The following ZNF568 variants were observed in gnomAD, a reference collection of about 807,000 sequenced individuals.
The protein encoded by ZNF568 is p53 inhibitor of SCO2 activation.
Under a neutral mutation model 18.1 loss-of-function variants are expected in ZNF568, and 11 were observed. That is an observed-to-expected ratio of 0.61 (90% confidence interval 0.38 to 1.00). The LOEUF is 1.00. ZNF568 is among the 50% of genes least tolerant of loss of function. ZNF568 has a pLI of 0.01. For synonymous variants in ZNF568, 213 were observed against 246.6 expected (o/e 0.86, Z 1.28); for missense variants, 639 against 768.2 (o/e 0.83, Z 1.99).
At chr19:36,945,737 A>ATGTG (rs35542484) in intron 6 of ZNF568, among the ~76,000 whole-genome samples, 265 of 149,066 alleles carry the variant, frequency 1.8e-3, no homozygotes, top group East Asian at 8.3e-3. Context: ...GTGTGATTAT[A>ATGTG]TGTGTGTGTG....
At chr19:36,993,628 G>A (rs1241203803) in intron 4 of ZNF568, among the ~76,000 whole-genome samples, 1 of 152,034 alleles carries the variant, frequency 6.6e-6, no homozygotes, top group East Asian at 1.9e-4. Context: ...AATTTTGGTA[G>A]TTTTGGGTCT....
intron 2 of ZNF568, among the ~76,000 whole-genome samples, chr19:36,919,326 G>A (rs1441161531): frequency 6.6e-6 from 1 of 152,138 alleles, no homozygotes; most frequent in Non-Finnish European, 1.5e-5. Context: ...TTATAGTCAT[G>A]TGCCATATAT....
At chr19:36,941,773 C>A (rs908457374) in intron 6 of ZNF568, among the ~76,000 whole-genome samples, 1 of 151,984 alleles carries the variant, frequency 6.6e-6, no homozygotes, top group Non-Finnish European at 1.5e-5. Context: ...CATGCCATTT[C>A]TTTCCCTTTT....
At chr19:36,924,027 G>T (rs542947365) in intron 3 of ZNF568, among the ~76,000 whole-genome samples, 6 of 152,066 alleles carry the variant, frequency 3.9e-5, no homozygotes, top group African/African-American at 1.4e-4. Context: ...TGATTGGTTT[G>T]GGAGAGAGTG....
chr19:36,992,069 C>T lies in ZNF568; in HGVS notation c.229+223C>T, dbSNP rs998533394. Among the ~76,000 whole-genome samples, 46 of 151,860 alleles carry T rather than the reference C, an allele frequency of 3.0e-4. 1 individual carries two copies. The highest frequency in any genetic ancestry group is 5.4e-4 in the Non-Finnish European group (37 of 67,968). ...CAGCCTGACCAACATGGTGAAACCC[C>T]GTCTCTACTAAAAATACAAAAAAAT... On this transcript the variant is annotated intron_variant, in intron 4 of 4. Coordinates refer to the ZNF568 transcript ENST00000433993.
At chr19:36,942,726 CCA>C (rs1183420700) in intron 6 of ZNF568, among the ~76,000 whole-genome samples, 1 of 151,946 alleles carries the variant, frequency 6.6e-6, no homozygotes, top group Non-Finnish European at 1.5e-5. Flanking sequence ...TACCCCCACT[CCA>C]GTTTTGTTTT....
At position 36,949,575 on chromosome 19, in the gene ZNF568, C is replaced by G. The variant is rs371756750; in HGVS notation, c.422C>G (p.Ser141Cys). The change falls in exon 7 of 7, where the codon TCC (serine) becomes TGC (cysteine). Residue 141 changes from serine (S) to cysteine (C), a missense_variant. Transcript: ENST00000333987. ...GAAACACTTGTGAGGAAAGTCACAT[C>G]CATCTCCAAGAAAATTCTGATAAAG... ...QQETLVRKVT[S>C]ISKKILIKEK... The G allele has an allele frequency of 5.6e-6, 9 of 1,612,166 alleles. No homozygotes were observed. In the South Asian group the frequency reaches 6.6e-5, roughly 12 times the overall value.
In ZNF568 at chr19:36,936,810, C is replaced by T. The variant is rs1405839952; in HGVS notation, c.200C>T (p.Pro67Leu). The change falls in exon 5 of 7, where the codon CCT (proline) becomes CTT (leucine). Residue 67 changes from proline to leucine, a missense_variant. Coordinates refer to ENST00000333987, the MANE Select transcript of ZNF568 (RefSeq NM_198539.4). ...CAGGAGGAGTGGGAGCAAATGAAAC[C>T]TGCTCAAAGAAACTTGTATCGAGAT... Reference protein sequence around the residue: ...LTQEEWEQMKPAQRNLYRDVM... With the variant: ...LTQEEWEQMKLAQRNLYRDVM... 1.2e-6 allele frequency: 2 copies of T among 1,613,818 alleles called. No individual in the cohort carries two copies. The highest frequency in any genetic ancestry group is 2.7e-5 in the African/African-American group (2 of 75,034).
chr19:36,920,865 T>G (rs2073441580), intron 2 of ZNF568, among the ~76,000 whole-genome samples: 1 of 152,166 alleles, frequency 6.6e-6, no homozygotes, highest in Non-Finnish European at 1.5e-5. Context: ...TACCATTTTT[T>G]ATCTTTTATA....
intron 6 of ZNF568, among the ~76,000 whole-genome samples, chr19:36,961,863 T>C (rs929162535): frequency 2.1e-5 from 3 of 143,062 alleles, no homozygotes; most frequent in African/African-American, 5.2e-5. Flanking sequence ...TCTATCATAT[T>C]GTTAATTGGT....
At chr19:36,926,992 A>G (rs1285237484) in intron 4 of ZNF568, among the ~76,000 whole-genome samples, 2 of 152,178 alleles carry the variant, frequency 1.3e-5, no homozygotes, top group Non-Finnish European at 2.9e-5. Context: ...ACCCATTCAT[A>G]TTGTTTGTCT....
chr19:36,979,781 A>T (rs2146339867), exon 8 of ZNF568: 1 of 152,332 alleles, frequency 6.6e-6, no homozygotes, highest in East Asian at 1.9e-4. Context: ...CATAGGTTAT[A>T]TGCATTTTCA....
chr19:36,963,666 T>C (rs544889371), intron 6 of ZNF568, among the ~76,000 whole-genome samples: 62 of 152,116 alleles, frequency 4.1e-4, no homozygotes, highest in African/African-American at 1.4e-3. Context: ...TATCTTTTCA[T>C]GCATTAGAAA....
intron 4 of ZNF568, among the ~76,000 whole-genome samples, chr19:36,933,924 G>GTTTTTTTTTTTTTTTTTT (rs140279289): frequency 6.7e-5 from 2 of 29,934 alleles, no homozygotes; most frequent in Non-Finnish European, 6.2e-5. Flanking sequence ...TTGTTTTTTT[G>GTTTTTTTTTTTTTTTTTT]TTTTTTTTTT....
At chr19:36,966,102 TG>T (rs1186480626) in intron 6 of ZNF568, among the ~76,000 whole-genome samples, 3 of 151,778 alleles carry the variant, frequency 2.0e-5, no homozygotes, top group African/African-American at 7.3e-5. Flanking sequence ...CTGGCCAACA[TG>T]GTGAAAGCCT....
At chr19:36,961,701 T>C (rs957429099) in intron 6 of ZNF568, among the ~76,000 whole-genome samples, 1 of 152,052 alleles carries the variant, frequency 6.6e-6, no homozygotes, top group African/African-American at 2.4e-5. Context: ...TTTTATACTT[T>C]TAGTAGAGAT....
intron 6 of ZNF568, among the ~76,000 whole-genome samples, chr19:36,959,821 T>TACGA (rs1280752535): frequency 2.0e-5 from 3 of 152,092 alleles, no homozygotes; most frequent in Non-Finnish European, 2.9e-5. Flanking sequence ...GACACTCTCT[T>TACGA]GTATTTCTGT....
At chr19:36,993,679 T>C (rs1031053261) in intron 4 of ZNF568, among the ~76,000 whole-genome samples, 4 of 152,154 alleles carry the variant, frequency 2.6e-5, no homozygotes, top group Admixed American at 2.0e-4. Flanking sequence ...ATCTAACTTA[T>C]TGGCATATAG....
At chr19:36,925,052 G>T in intron 3 of ZNF568, 148 bp from the exon 4 acceptor site, 1 of 631,706 alleles carries the variant, frequency 1.6e-6, no homozygotes. Context: ...GTCCATTTCA[G>T]TGTCTATAGC....
Sources: allele counts gnomAD v4.1 joint callset (sites outside exome capture counted in the v4.1 genomes callset), GRCh38; gene constraint gnomAD v4.1.1; transcripts MANE v1.5; gene names NCBI Gene and HGNC (gene_info 2026-07-23, HGNC 2026-07-21).